EPHA2: variants seen among roughly 807,000 people sequenced by gnomAD.
EPHA2 encodes the protein ephrin type-A receptor 2.
A neutral mutation model predicts 104.9 loss-of-function variants in EPHA2; 54 were observed. The observed-to-expected ratio is 0.51, with a 90% confidence interval of 0.41 to 0.65. EPHA2 has a LOEUF of 0.65. EPHA2 is among the 30% of genes least tolerant of loss of function. The pLI is 0.00. For missense variants in EPHA2, 1,117 were observed against 1,369.5 expected (o/e 0.82, Z 2.91); for synonymous variants, 560 against 559.1 (o/e 1.00, Z -0.02).
rs1414503440 is a variant in EPHA2, at chr1:16,135,904, T to C, written c.1313-134A>G. ...TCATTTTTTTGAGACAGGATCTCGC[T>C]CTCTCACCCAGGCTCGAGTGCAGTG... is the stretch of plus-strand genomic sequence containing the variant. On this transcript the variant is annotated intron_variant, in intron 5 of 16. Coordinates refer to ENST00000358432, the MANE Select transcript of EPHA2 (RefSeq NM_004431.5). The surrounding 1 kb of genome is among the most constrained non-coding windows in gnomAD (Gnocchi z 4.3). 3 of 615,710 alleles carry C rather than the reference T, an allele frequency of 4.9e-6. No individual in the cohort carries two copies. In the East Asian group the frequency reaches 8.4e-5, roughly 17 times the overall value. The allele number at this position is 615,710 out of a possible 1,614,324, so 38.1% of individuals were successfully genotyped here. A position where few individuals can be genotyped will look rare whatever the true frequency, so the allele number is the denominator to read the frequency against.
At chr1:16,153,416 T>C (rs1186806621) in intron 1 of EPHA2, 1 of 786,892 alleles carries the variant, frequency 1.3e-6, no homozygotes, top group Non-Finnish European at 1.5e-6. Context: ...TTGGCCCCGG[T>C]AGAACCAGAA....
intron 3 of EPHA2, among the ~76,000 whole-genome samples, chr1:16,145,246 C>G (rs535109803): frequency 1.4e-4 from 21 of 152,184 alleles, no homozygotes; most frequent in Non-Finnish European, 7.4e-5. Context: ...GCGGTCAGCC[C>G]GAGCGACTCC....
At chr1:16,152,229 G>A (rs960630069) in intron 1 of EPHA2, among the ~76,000 whole-genome samples, 1 of 152,228 alleles carries the variant, frequency 6.6e-6, no homozygotes, top group Non-Finnish European at 1.5e-5. Context: ...CTCAAAGGGT[G>A]GACAGAGCTC....
chr1:16,137,683 G>T (rs2024739292), intron 5 of EPHA2, among the ~76,000 whole-genome samples, 170 bp downstream of exon 5: 2 of 152,256 alleles, frequency 1.3e-5, no homozygotes, highest in African/African-American at 4.8e-5. Flanking sequence ...TTCAATGTCG[G>T]CTGGGGCCAC....
intron 3 of EPHA2, among the ~76,000 whole-genome samples, chr1:16,145,993 C>T (rs2024924961): frequency 1.3e-5 from 2 of 152,232 alleles, no homozygotes; most frequent in Non-Finnish European, 2.9e-5. Context: ...GCTTGCTTGG[C>T]TCAGCGCCTG....
chr1:16,149,071 G>C, intron 2 of EPHA2, 24 bp from the exon 3 acceptor site: 1 of 1,608,586 alleles, frequency 6.2e-7, no homozygotes. Context: ...ATACAGGTTA[G>C]TGTGGGCAGG....
chr1:16,125,214 C>G lies in EPHA2; in HGVS notation c.*1G>C, dbSNP rs2024441242. 6.2e-7 allele frequency: 1 copy of G among 1,613,678 alleles called. No individual in the cohort carries two copies. The highest frequency in any genetic ancestry group is 8.5e-7 in the Non-Finnish European group (1 of 1,179,814). On this transcript the variant is annotated 3_prime_UTR_variant, in exon 17 of 17. Coordinates refer to ENST00000358432, the MANE Select transcript of EPHA2 (RefSeq NM_004431.5). This position sits in a 1 kb window ranked among gnomAD's most constrained non-coding sequence, Gnocchi z 4.9. Reference sequence around the variant, plus strand: ...GATGGGGCTCCAGGCCCTGTCGAGGCTCAGATGGGGATCCCCACAGTGTTC... The same window carrying G: ...GATGGGGCTCCAGGCCCTGTCGAGGGTCAGATGGGGATCCCCACAGTGTTC...
At chr1:16,126,253 C>T (rs2024464542) in intron 16 of EPHA2, among the ~76,000 whole-genome samples, 1 of 152,220 alleles carries the variant, frequency 6.6e-6, no homozygotes. Context: ...TCCCAGGAAC[C>T]TGTGAGGAGG....
chr1:16,133,949 A>C, intron 8 of EPHA2, 34 bp from the exon 9 acceptor site: 1 of 1,548,598 alleles, frequency 6.5e-7, no homozygotes, highest in Non-Finnish European at 8.7e-7. Context: ...AAATGCAGGG[A>C]GGTCAGTGAG....
At chr1:16,132,912 G>T in intron 11 of EPHA2, 1 of 530,844 alleles carries the variant, frequency 1.9e-6, no homozygotes, top group South Asian at 2.0e-5. Context: ...TCGGGGAGAG[G>T]TGGGCACAGG....
intron 5 of EPHA2, among the ~76,000 whole-genome samples, chr1:16,136,705 GAAGAAGAAAAGAAGAA>G (rs2024703835): frequency 1.1e-5 from 1 of 90,648 alleles, no homozygotes; most frequent in African/African-American, 8.5e-5. Flanking sequence ...AGAAGAAGAA[GAAGAAGAAAAGAAGAA>G]GAAGAAGAAG....
At chr1:16,141,136 C>T (rs1050069590) in intron 3 of EPHA2, among the ~76,000 whole-genome samples, 1 of 152,210 alleles carries the variant, frequency 6.6e-6, no homozygotes, top group African/African-American at 2.4e-5. Flanking sequence ...TGACCCACTT[C>T]AAAAGCCAGA....
chr1:16,141,227 A>C (rs999327372), intron 3 of EPHA2, among the ~76,000 whole-genome samples: 3 of 152,168 alleles, frequency 2.0e-5, no homozygotes, highest in African/African-American at 7.2e-5. Flanking sequence ...AGATCTTCTC[A>C]AACTGGGCAC....
Position 16,133,574 on chromosome 1 carries a change from G to C in EPHA2, c.1771C>G (p.Pro591Ala). The C allele has an allele frequency of 1.9e-6, 3 of 1,614,104 alleles. No individual in the cohort carries two copies. Among genetic ancestry groups the C allele is most frequent in the Non-Finnish European group, 2.5e-6 (3 of 1,179,974 alleles). Residue 591 changes from proline to alanine, a missense_variant, in exon 10 of 17, where the codon CCC becomes GCC. Physicochemically the swap from Pro to Ala is conservative, Grantham distance 27. Transcript: ENST00000358432. ...TGGTTGGGGTCCTCATATGTGTGGG[G>C]GTCCACGTATGTCTTCAGGGGCTTC... ...QLKPLKTYVD[P>A]HTYEDPNQAV...
rs776884554 is a variant in EPHA2, at chr1:16,132,419, T to C, written c.2074A>G (p.Thr692Ala). Residue 692 changes from threonine (T) to alanine (A), a missense_variant, in exon 12 of 17, where the codon ACT (threonine) becomes GCT (alanine). By Grantham distance (58) the Thr-to-Ala change is moderately conservative. Coordinates refer to ENST00000358432, the MANE Select transcript of EPHA2 (RefSeq NM_004431.5). ...AGGGCCCCATTCTCCATGTACTCAG[T>C]GATGATCATCATGGGCTTGTCTGTA... ...ISKYKPMMII[T>A]EYMENGALDK... 1.6e-5 allele frequency: 26 copies of C among 1,613,932 alleles called. No homozygotes were observed. The highest frequency in any genetic ancestry group is 2.2e-5 in the Non-Finnish European group (26 of 1,180,036).
At chr1:16,133,705 G>T in intron 9 of EPHA2, 99 bp from the exon 10 acceptor site, 1 of 1,571,194 alleles carries the variant, frequency 6.4e-7, no homozygotes, top group Non-Finnish European at 8.7e-7. Flanking sequence ...TCAGAGACTT[G>T]GACCAGGCTG....
chr1:16,135,932 A>G lies in EPHA2; in HGVS notation c.1313-162T>C, dbSNP rs529768874. On this transcript the variant is annotated intron_variant, in intron 5 of 16. Transcript: ENST00000358432. The surrounding 1 kb of genome is among the most constrained non-coding windows in gnomAD (Gnocchi z 4.3). ...CTCACCCAGGCTCGAGTGCAGTGGC[A>G]TGATCTCGGCCCACTACAGCTTTGA... 2.3e-4 allele frequency among the ~76,000 whole-genome samples: 35 copies of G among 152,200 alleles called. No homozygotes were observed. Among genetic ancestry groups the G allele is most frequent in the Non-Finnish European group, 4.6e-4 (31 of 68,004 alleles).
chr1:16,145,355 A>G (rs2024913635), intron 3 of EPHA2, among the ~76,000 whole-genome samples: 1 of 152,324 alleles, frequency 6.6e-6, no homozygotes, highest in East Asian at 1.9e-4. Context: ...CAGCGTGCCC[A>G]CCTGCCGCAC....
In EPHA2 at chr1:16,129,468, T is replaced by C; in HGVS notation, c.2791A>G (p.Thr931Ala). 6.2e-7 allele frequency: 1 copy of C among 1,613,648 alleles called. No individual in the cohort carries two copies. Among genetic ancestry groups the C allele is most frequent in the Admixed American group, 1.7e-5 (1 of 60,006 alleles). Residue 931 changes from threonine to alanine, a missense_variant, in exon 16 of 17, where the codon ACT becomes GCT. Around this residue, in one of 3 missense-constraint regions of EPHA2, gnomAD observed 340 missense variants for 480.5 expected, o/e 0.71. Transcript: ENST00000358432. ...YTEHFMAAGY[T>A]AIEKVVQMTN... ...ATCTGCACCACCTTCTCGATGGCAG[T>C]GTAGCCGGCCGCCATGAAGTGCTCC...
Sources: gnomAD v4.1 joint callset for allele counts (sites outside exome capture counted in the v4.1 genomes callset) on GRCh38, gnomAD v4.1.1 for gene constraint, gnomAD v4.1.1 regional missense constraint, Gnocchi (gnomAD v3.1) non-coding constraint, MANE v1.5 for transcripts, NCBI Gene and HGNC (gene_info 2026-07-23, HGNC 2026-07-21) for gene names.